Variants in STK17B observed in about 807,000 individuals in gnomAD.
STK17B encodes serine/threonine kinase 17b.
STK17B carries 21 observed loss-of-function variants against 42.0 expected under a neutral mutation model. That is an observed-to-expected ratio of 0.50 (90% CI 0.35 to 0.72). STK17B has a LOEUF of 0.72. Among genes scored for constraint, STK17B ranks in the 30% least tolerant of loss-of-function variants. The pLI is 0.00. For missense variants in STK17B, 349 were observed against 446.0 expected, an observed-to-expected ratio of 0.78 and a Z score of 1.96; for synonymous variants, 143 against 148.4, an observed-to-expected ratio of 0.96 and a Z score of 0.26.
rs754849303 is a variant in STK17B, at chr2:196,137,643, G to T, written c.923C>A (p.Ser308Tyr). The change falls in exon 8 of 8, where the codon TCC becomes TAC. Residue 308 changes from serine (S) to tyrosine (Y), a missense_variant. Transcript: ENST00000263955. ...FENLFHPEET[S>Y]SSSQTQDHSV... ...ATGATCCTGAGTTTGAGAGGAACTG[G>T]AAGTTTCTTCAGGGTGAAACAAGTT... 57 of 1,613,954 alleles carry T rather than the reference G, an allele frequency of 3.5e-5. No individual in the cohort carries two copies. Among genetic ancestry groups the T allele is most frequent in the Non-Finnish European group, 4.6e-5 (54 of 1,179,990 alleles).
upstream of STK17B, among the ~76,000 whole-genome samples, chr2:196,176,057 AT>A (rs1257513925): frequency 6.6e-6 from 1 of 152,206 alleles, no homozygotes; most frequent in Non-Finnish European, 1.5e-5. Flanking sequence ...GAATAAAGTA[AT>A]TTTTAAATTT....
At chr2:196,145,557 G>A (rs903586092) in intron 4 of STK17B, among the ~76,000 whole-genome samples, 4 of 152,130 alleles carry the variant, frequency 2.6e-5, no homozygotes, top group Non-Finnish European at 5.9e-5. Context: ...TTTCAGAGAT[G>A]GAGATTACAC....
intron 2 of STK17B, among the ~76,000 whole-genome samples, chr2:196,157,267 T>C (rs1239033365): frequency 1.3e-5 from 2 of 152,170 alleles, no homozygotes; most frequent in Non-Finnish European, 2.9e-5. Flanking sequence ...AACAATCCTA[T>C]ATAATAAATG....
intron 3 of STK17B, chr2:196,156,178 G>C: frequency 3.7e-6 from 1 of 269,070 alleles, no homozygotes; most frequent in Non-Finnish European, 6.9e-6. Flanking sequence ...TAGCCATTAA[G>C]AAAATAATGT....
chr2:196,167,418 T>G (rs1699887022), intron 1 of STK17B, among the ~76,000 whole-genome samples: 1 of 152,244 alleles, frequency 6.6e-6, no homozygotes, highest in African/African-American at 2.4e-5. Context: ...TGTAGGTATA[T>G]CTCATGTCTT....
chr2:196,159,425 T>TTCAGCC (rs1436213304), intron 2 of STK17B, among the ~76,000 whole-genome samples: 1 of 151,656 alleles, frequency 6.6e-6, no homozygotes, highest in African/African-American at 2.4e-5. Flanking sequence ...ATTCTCTTAC[T>TTCAGCC]TCAGCCTCCT....
At chr2:196,171,102 C>G (rs2105720168) in intron 1 of STK17B, 1 of 152,680 alleles carries the variant, frequency 6.5e-6, no homozygotes, top group South Asian at 2.1e-4. Context: ...GGGAGGACCG[C>G]CGGCCGCCCC....
intron 7 of STK17B, among the ~76,000 whole-genome samples, chr2:196,138,810 A>G (rs1170227850): frequency 6.6e-6 from 1 of 151,920 alleles, no homozygotes; most frequent in Non-Finnish European, 1.5e-5. Context: ...TCCTGACCTC[A>G]TGATCTGGCC....
upstream of STK17B, among the ~76,000 whole-genome samples, chr2:196,172,045 T>C (rs565024616): frequency 6.6e-6 from 1 of 152,308 alleles, no homozygotes; most frequent in East Asian, 1.9e-4. Flanking sequence ...GAGTCTTCCT[T>C]AGGACCGGAA....
At chr2:196,166,929 T>G (rs1699881236) in intron 1 of STK17B, among the ~76,000 whole-genome samples, 1 of 152,232 alleles carries the variant, frequency 6.6e-6, no homozygotes, top group Non-Finnish European at 1.5e-5. Flanking sequence ...TTTTGATTCC[T>G]TCATTAGCTC....
At chr2:196,169,211 G>A (rs544486312) in intron 1 of STK17B, among the ~76,000 whole-genome samples, 3 of 151,996 alleles carry the variant, frequency 2.0e-5, no homozygotes, top group South Asian at 4.2e-4. Context: ...GAGTAGCTGG[G>A]ACTACAGGCG....
At chr2:196,157,359 G>A (rs1362365990) in intron 2 of STK17B, among the ~76,000 whole-genome samples, 3 of 152,048 alleles carry the variant, frequency 2.0e-5, no homozygotes, top group Admixed American at 6.6e-5. Context: ...TCCAAAAACT[G>A]TACCCTTCAT....
rs1213057040 is a variant in STK17B, at chr2:196,148,274, A to G, written c.336-2219T>C. ...TATTCATTTCTCACACCCCTTCTCAAGGTCTCCTGAGGGCAGAGTGGGAAT... is the reference window on the plus strand; with the variant it reads ...TATTCATTTCTCACACCCCTTCTCAGGGTCTCCTGAGGGCAGAGTGGGAAT... On this transcript the variant is annotated intron_variant, in intron 3 of 7. Transcript: ENST00000263955. Among the ~76,000 whole-genome samples the G allele has an allele frequency of 3.3e-5, 5 of 152,272 alleles. No homozygotes were observed. In the East Asian group the frequency reaches 7.7e-4, roughly 23 times the overall value.
intron 1 of STK17B, among the ~76,000 whole-genome samples, chr2:196,168,935 C>T (rs1026232854): frequency 6.6e-6 from 1 of 152,044 alleles, no homozygotes; most frequent in African/African-American, 2.4e-5. Context: ...TTGAAGTTTT[C>T]CTAAGTGGAA....
intron 2 of STK17B, among the ~76,000 whole-genome samples, chr2:196,162,284 C>CAATTT (rs1699821274): frequency 6.6e-6 from 1 of 152,156 alleles, no homozygotes; most frequent in Non-Finnish European, 1.5e-5. Flanking sequence ...TAAGAGAAAA[C>CAATTT]AATTTGTAAA....
At position 196,163,406 on chromosome 2, in the gene STK17B, T is replaced by C. The variant is rs927447882; in HGVS notation, c.-23A>G. The stretch of plus-strand genomic sequence containing the variant: ...CATGTTAGGTGATTCCCAGGTCTGC[T>C]TCTTTAGTCACTTATTTTTACCTAT... On this transcript the variant is annotated 5_prime_UTR_variant, in exon 2 of 8. Transcript: ENST00000263955. 95 of 1,559,916 alleles carry C rather than the reference T, an allele frequency of 6.1e-5. No homozygotes were observed. The highest frequency in any genetic ancestry group is 8.2e-5 in the Non-Finnish European group (95 of 1,161,480).
chr2:196,157,730 T>C (rs527352314), intron 2 of STK17B, among the ~76,000 whole-genome samples: 2 of 152,318 alleles, frequency 1.3e-5, no homozygotes, highest in Admixed American at 6.5e-5. Context: ...CTCTCTCCAA[T>C]GGCAGTGCTT....
chr2:196,163,376 C>T lies in STK17B; in HGVS notation c.8G>A (p.Arg3Lys), dbSNP rs1461579485. 2.5e-6 allele frequency: 4 copies of T among 1,593,464 alleles called. No homozygotes were observed. Among genetic ancestry groups the T allele is most frequent in the Non-Finnish European group, 1.7e-6 (2 of 1,174,268 alleles). The change falls in exon 2 of 8, where the codon AGG becomes AAG. Residue 3 changes from arginine (R) to lysine (K), a missense_variant. Around this residue, in one of 3 missense-constraint regions of STK17B, gnomAD observed 256 missense variants for 347.7 expected, o/e 0.74. Coordinates refer to ENST00000263955, the MANE Select transcript of STK17B (RefSeq NM_004226.4). The part of the protein sequence containing the change: MS[R>K]RRFDCRSISG... ...AATACTTCGGCAATCAAATCTCCTC[C>T]TCGACATGTTAGGTGATTCCCAGGT... is the stretch of plus-strand genomic sequence containing the variant.
intron 2 of STK17B, among the ~76,000 whole-genome samples, chr2:196,159,125 G>A (rs1388753027): frequency 6.6e-6 from 1 of 151,826 alleles, no homozygotes; most frequent in Non-Finnish European, 1.5e-5. Flanking sequence ...AGGAAATTTT[G>A]GGCTTTATAA....
Sources: allele counts gnomAD v4.1 joint callset (sites outside exome capture counted in the v4.1 genomes callset), GRCh38; gene constraint gnomAD v4.1.1; regional missense constraint gnomAD v4.1.1; transcripts MANE v1.5; gene names NCBI Gene and HGNC (gene_info 2026-07-23, HGNC 2026-07-21).